Variants in TMEM31 observed in about 807,000 individuals in gnomAD.
TMEM31 encodes the protein testicular secretory protein Li 58.
TMEM31 carries 1 observed loss-of-function variant against 2.4 expected under a neutral mutation model. That is an observed-to-expected ratio of 0.42 (90% CI 0.15 to 1.97). The LOEUF (loss-of-function observed/expected upper bound fraction) is 1.97, where lower values mean the gene tolerates loss of function less well. Among genes scored for constraint, TMEM31 ranks in the 30% most tolerant of loss-of-function variants. The pLI is 0.30. For missense variants in TMEM31, 119 were observed against 121.3 expected, an observed-to-expected ratio of 0.98 and a Z score of 0.09; for synonymous variants, 47 against 45.8, an observed-to-expected ratio of 1.03 and a Z score of -0.10.
chrX:103,712,300 G>A lies in TMEM31; in HGVS notation c.42G>A (p.Lys14=), dbSNP rs1427738638. Residue 14 remains lysine, a synonymous_variant, in exon 2 of 3, where the codon AAG becomes AAA. Coordinates refer to ENST00000319560, the MANE Select transcript of TMEM31 (RefSeq NM_182541.2). ...TEKSEGEQQL[K]PNNSNAPNED... ...AGAGTGAGGGAGAACAACAACTCAA[G>A]CCCAACAACTCTAATGCACCCAATG... is the stretch of plus-strand genomic sequence containing the variant. 4 of 1,208,640 alleles carry A rather than the reference G, an allele frequency of 3.3e-6. No individual in the cohort carries two copies. In the African/African-American group the frequency reaches 7.0e-5, roughly 21 times the overall value.
chrX:103,713,572 C>G (rs377088932), intron 2 of TMEM31, 22 bp from the exon 3 acceptor site: 1 of 1,209,947 alleles, frequency 8.3e-7, no homozygotes. Context: ...TTTATGCTGA[C>G]GAGAAACAAA....
At position 103,713,618 on chromosome X, in the gene TMEM31, C is replaced by T. The variant is rs779230685; in HGVS notation, c.127C>T (p.Gln43Ter). 3 of 1,212,217 alleles carry T rather than the reference C, an allele frequency of 2.5e-6. No homozygotes were observed. Among genetic ancestry groups the T allele is most frequent in the Non-Finnish European group, 3.3e-6 (3 of 895,628 alleles). The change falls in exon 3 of 3, where the codon CAA (glutamine) becomes TAA (stop). Residue 43 changes from glutamine (Q) to a stop codon, truncating the protein, a stop_gained. Coordinates refer to ENST00000319560, the MANE Select transcript of TMEM31 (RefSeq NM_182541.2). LOFTEE classifies it low-confidence loss of function (END_TRUNC). ...GCATACTCCAGCAAGGCAGCGAACA[C>T]AAAGAGCAGACACACAGCCATCCAG... ...EQHTPARQRTQRADTQPSRCR... is the reference protein window; with the variant it reads ...EQHTPARQRT
intron 2 of TMEM31, 152 bp from the exon 3 acceptor site, chrX:103,713,442 T>A: frequency 9.1e-7 from 1 of 1,099,944 alleles, no homozygotes; most frequent in South Asian, 2.1e-5. Flanking sequence ...GGGGTGGGTC[T>A]TGGTTTGTGG....
intron 2 of TMEM31, among the ~76,000 whole-genome samples, chrX:103,713,337 AC>A (rs2074232057): frequency 9.0e-6 from 1 of 110,667 alleles, no homozygotes; most frequent in African/African-American, 3.3e-5. Flanking sequence ...TGATCCGCCC[AC>A]CTCGGCCTCC....
chrX:103,713,200 C>T (rs1275276945), intron 2 of TMEM31, among the ~76,000 whole-genome samples: 1 of 110,736 alleles, frequency 9.0e-6, no homozygotes, highest in Non-Finnish European at 1.9e-5. Flanking sequence ...AAGCGATTCT[C>T]CTGCCTCAGC....
chrX:103,713,918 A>G lies in TMEM31; in HGVS notation c.427A>G (p.Ile143Val). 1 of 1,210,626 alleles carries G rather than the reference A, an allele frequency of 8.3e-7. No homozygotes were observed. The highest frequency in any genetic ancestry group is 1.1e-6 in the Non-Finnish European group (1 of 895,124). Residue 143 changes from isoleucine to valine, a missense_variant, in exon 3 of 3, where the codon ATT becomes GTT. Physicochemically the swap from Ile to Val is conservative, Grantham distance 29. Coordinates refer to ENST00000319560, the MANE Select transcript of TMEM31 (RefSeq NM_182541.2). ...LYFYKFFLPTILSLSFFILLV... is the reference protein window; with the variant it reads ...LYFYKFFLPTVLSLSFFILLV... ...CTTCTACAAGTTTTTCCTTCCTACA[A>G]TTCTTTCCCTTTCTTTCTTTATTCT...
chrX:103,713,957 C>G lies in TMEM31; in HGVS notation c.466C>G (p.Leu156Val). The change falls in exon 3 of 3, where the codon CTT becomes GTT. Residue 156 changes from leucine (L) to valine (V), a missense_variant. Transcript: ENST00000319560. ...TTTCTTTATTCTTCTTGTACTTCTG[C>G]TTCTGCTTTTTATTATTGTCTTCAT... ...LSFFILLVLLLLLFIIVFILI... is the reference protein window; with the variant it reads ...LSFFILLVLLVLLFIIVFILI... 1 of 1,205,931 alleles carries G rather than the reference C, an allele frequency of 8.3e-7. No individual in the cohort carries two copies.
chrX:103,711,354 G>C (rs1399330239), intron 1 of TMEM31, among the ~76,000 whole-genome samples: 18 of 110,173 alleles, frequency 1.6e-4, no homozygotes, highest in African/African-American at 5.9e-4. Flanking sequence ...CGTGGTGGCG[G>C]GCGCCTGTAG....
rs1258290759 is a variant in TMEM31 at position 103,711,040 on chromosome X, T to C, written c.-60T>C. On this transcript the variant is annotated 5_prime_UTR_variant, in exon 1 of 3. Transcript: ENST00000319560. ...CAGGCAACTTAGCTGGTGAAAGGACTCTGGATTGGTTGGCAGTCTGCTTTT... is the reference window on the plus strand; with the variant it reads ...CAGGCAACTTAGCTGGTGAAAGGACCCTGGATTGGTTGGCAGTCTGCTTTT... 1.8e-5 allele frequency: 2 copies of C among 110,177 alleles called. No individual in the cohort carries two copies. Among genetic ancestry groups the C allele is most frequent in the African/African-American group, 6.6e-5 (2 of 30,225 alleles). The allele number at this position is 110,177 out of a possible 1,213,427, so 9.1% of individuals were successfully genotyped here. A position where few individuals can be genotyped will look rare whatever the true frequency, so the allele number is the denominator to read the frequency against.
At chrX:103,713,355 G>T (rs2074232108) in intron 2 of TMEM31, among the ~76,000 whole-genome samples, 1 of 111,996 alleles carries the variant, frequency 8.9e-6, no homozygotes, top group Admixed American at 9.5e-5. Flanking sequence ...CTCCCAAAGT[G>T]CTGGGATTAC....
At chrX:103,713,016 G>T (rs1312822926) in intron 2 of TMEM31, among the ~76,000 whole-genome samples, 1 of 111,433 alleles carries the variant, frequency 9.0e-6, no homozygotes, top group Non-Finnish European at 1.9e-5. Context: ...AGAGATTAAA[G>T]TAATCAAAGA....
In TMEM31 at chrX:103,713,649, G is replaced by T. The variant is rs74852293; in HGVS notation, c.158G>T (p.Arg53Leu). 77 of 1,210,641 alleles carry T rather than the reference G, an allele frequency of 6.4e-5. No homozygotes were observed. In the African/African-American group the frequency reaches 1.2e-3, roughly 19 times the overall value. The change falls in exon 3 of 3, where the codon CGA becomes CTA. Residue 53 changes from arginine to leucine, a missense_variant. By Grantham distance (102) the Arg-to-Leu change is moderately radical. Transcript: ENST00000319560. ...GCAGACACACAGCCATCCAGATGTC[G>T]ATTGCCTTCACGTAGGACACCTACA... Reference protein sequence around the residue: ...QRADTQPSRCRLPSRRTPTTS... With the variant: ...QRADTQPSRCLLPSRRTPTTS...
rs1396158601 is a variant in TMEM31, at chrX:103,711,006, A to C, written c.-94A>C. 1 of 110,947 alleles carries C rather than the reference A, an allele frequency of 9.0e-6. No individual in the cohort carries two copies. Among genetic ancestry groups the C allele is most frequent in the Non-Finnish European group, 1.9e-5 (1 of 52,977 alleles). 9.1% of individuals were successfully genotyped at this position (110,947 alleles called of 1,213,427 possible). A position where few individuals can be genotyped will look rare whatever the true frequency, so the allele number is the denominator to read the frequency against. On this transcript the variant is annotated 5_prime_UTR_variant, in exon 1 of 3. Coordinates refer to ENST00000319560, the MANE Select transcript of TMEM31 (RefSeq NM_182541.2). ...CAATGGCAGCCTTTTTGTTGCTGGG[A>C]CATCCATACAGGCAACTTAGCTGGT... is the stretch of plus-strand genomic sequence containing the variant.
chrX:103,713,513 T>C lies in TMEM31; in HGVS notation c.103-81T>C, dbSNP rs1291698328. 14 of 1,207,517 alleles carry C rather than the reference T, an allele frequency of 1.2e-5. No individual in the cohort carries two copies. The Admixed American group carries it at 2.0e-4, about 17-fold the overall frequency. On this transcript the variant is annotated intron_variant, in intron 2 of 2. Transcript: ENST00000319560. ...AAGGCAGTGGGCCGCTCCCTAGTTG[T>C]ACTCACCAAGCGTTGGCGCCTCTGC...
intron 2 of TMEM31, 57 bp downstream of exon 2, chrX:103,712,417 C>T: frequency 1.0e-6 from 1 of 958,944 alleles, no homozygotes; most frequent in Non-Finnish European, 1.4e-6. Context: ...ATAATGCTCC[C>T]CTAGAAAGAC....
intron 2 of TMEM31, 90 bp from the exon 3 acceptor site, chrX:103,713,504 C>T: frequency 8.3e-7 from 1 of 1,206,040 alleles, no homozygotes; most frequent in South Asian, 1.8e-5. Flanking sequence ...GTGGGCCGCT[C>T]CCTAGTTGTA....
In TMEM31 at chrX:103,713,478, C is replaced by T. The variant is rs886687470; in HGVS notation, c.103-116C>T. Reference sequence around the variant, plus strand: ...GGAGGCGGAGTAGGGAGGAAGGAGTCCAAAGGAGAAAGGCAGTGGGCCGCT... The same window carrying T: ...GGAGGCGGAGTAGGGAGGAAGGAGTTCAAAGGAGAAAGGCAGTGGGCCGCT... On this transcript the variant is annotated intron_variant, in intron 2 of 2. Coordinates refer to ENST00000319560, the MANE Select transcript of TMEM31 (RefSeq NM_182541.2). 5.9e-6 allele frequency: 7 copies of T among 1,185,011 alleles called. No homozygotes were observed. The African/African-American group carries it at 8.8e-5, about 15-fold the overall frequency.
Position 103,712,318 on chromosome X carries a change from A to C in TMEM31, c.60A>C (p.Ala20=), listed in dbSNP as rs1168598422. ...AACTCAAGCCCAACAACTCTAATGC[A>C]CCCAATGAAGATCAAGAAGAAGAAA... is the stretch of plus-strand genomic sequence containing the variant. The part of the protein sequence containing the change: ...EQQLKPNNSN[A]PNEDQEEEIQ... Residue 20 remains alanine (A), a synonymous_variant, in exon 2 of 3, where the codon GCA becomes GCC. Transcript: ENST00000319560. The C allele has an allele frequency of 8.3e-7, 1 of 1,208,165 alleles. No individual in the cohort carries two copies. Among genetic ancestry groups the C allele is most frequent in the Admixed American group, 2.2e-5 (1 of 45,510 alleles).
At position 103,712,465 on chromosome X, in the gene TMEM31, G is replaced by A. The variant is rs72616832; in HGVS notation, c.102+105G>A. 920 of 646,669 alleles carry A rather than the reference G, an allele frequency of 1.4e-3. 16 individuals carry two copies. In the East Asian group the frequency reaches 0.031, roughly 22 times the overall value. The allele number at this position is 646,669 out of a possible 1,213,427, so 53.3% of individuals were successfully genotyped here. ...TTGTTGAATTCTTAACCACCAATTA[G>A]TGTATGACAACCTGGGCTACCTTCC... On this transcript the variant is annotated intron_variant, in intron 2 of 2. Coordinates refer to ENST00000319560, the MANE Select transcript of TMEM31 (RefSeq NM_182541.2).
Sources: allele counts gnomAD v4.1 joint callset (sites outside exome capture counted in the v4.1 genomes callset), GRCh38; gene constraint gnomAD v4.1.1; transcripts MANE v1.5; gene names NCBI Gene and HGNC (gene_info 2026-07-23, HGNC 2026-07-21).